Variants in NFIB observed in about 807,000 individuals in gnomAD.
NFIB encodes nuclear factor 1 B-type.
In NFIB, 11 loss-of-function variants were observed where a neutral mutation model predicts 61.5. That is an observed-to-expected ratio of 0.18 (90% CI 0.11 to 0.30). The LOEUF (loss-of-function observed/expected upper bound fraction) is 0.30. Ranked by LOEUF, NFIB falls within the 10% of genes least tolerant of loss-of-function variation. The probability of loss-of-function intolerance (pLI) is 1.00; values close to 1 mark genes in which losing one functional copy is unlikely to be tolerated. For synonymous variants in NFIB, 260 were observed against 216.5 expected (o/e 1.20, Z -1.76); for missense variants, 471 against 608.9 (o/e 0.77, Z 2.38).
chr9:14,196,871 C>T (rs1416113115), intron 2 of NFIB, among the ~76,000 whole-genome samples: 1 of 152,154 alleles, frequency 6.6e-6, no homozygotes, highest in African/African-American at 2.4e-5. Context: ...GTTGTCAAAT[C>T]GTATGGAATT....
chr9:14,430,985 T>C, the NFIB span, among the ~76,000 whole-genome samples: 11,257 of 152,276 alleles, frequency 0.074, 457 homozygotes, highest in Middle Eastern at 0.11. Context: ...GTATAAAATA[T>C]AGACAATATG....
the NFIB span, among the ~76,000 whole-genome samples, chr9:14,467,399 G>T: frequency 6.6e-6 from 1 of 151,930 alleles, no homozygotes; most frequent in Non-Finnish European, 1.5e-5. Context: ...ATTTGGGGAC[G>T]CATGAGTGGG....
At chr9:14,317,522 G>C (rs2060569521), upstream of NFIB, among the ~76,000 whole-genome samples, 1 of 152,240 alleles carries the variant, frequency 6.6e-6, no homozygotes, top group African/African-American at 2.4e-5. Context: ...AGGAAAATGA[G>C]ATAGGAGTAT....
At chr9:14,478,926 T>A in the NFIB span, among the ~76,000 whole-genome samples, 2 of 152,218 alleles carry the variant, frequency 1.3e-5, no homozygotes, top group African/African-American at 4.8e-5. Flanking sequence ...TTCATTCCCA[T>A]CACCAGGGTG....
At chr9:14,214,748 T>G (rs1390681857) in intron 2 of NFIB, among the ~76,000 whole-genome samples, 1 of 152,252 alleles carries the variant, frequency 6.6e-6, no homozygotes, top group African/African-American at 2.4e-5. Context: ...TTCTTGGTCC[T>G]GACTCTCTTT....
chr9:14,126,840 T>G (rs2039718491), intron 6 of NFIB, among the ~76,000 whole-genome samples: 1 of 152,204 alleles, frequency 6.6e-6, no homozygotes, highest in South Asian at 2.1e-4. Context: ...AGAAGACAGA[T>G]TCATCAATAC....
chr9:14,470,618 A>T, the NFIB span, among the ~76,000 whole-genome samples: 19,952 of 151,950 alleles, frequency 0.13, 1,498 homozygotes, highest in East Asian at 0.3. Flanking sequence ...GGATAGGGGG[A>T]TTTCCTCTAG....
intron 1 of NFIB, among the ~76,000 whole-genome samples, chr9:14,325,800 CTTT>C (rs1321289044): frequency 2.0e-5 from 3 of 151,838 alleles, no homozygotes; most frequent in African/African-American, 7.3e-5. Flanking sequence ...CATATACCAT[CTTT>C]TAAAACAATT....
intron 2 of NFIB, among the ~76,000 whole-genome samples, chr9:14,233,283 T>C (rs897484138): frequency 9.2e-5 from 14 of 152,152 alleles, no homozygotes; most frequent in African/African-American, 3.1e-4. Context: ...CATGAGAAAC[T>C]GGAAGCTGAA....
At chr9:14,445,702 T>A in the NFIB span, among the ~76,000 whole-genome samples, 1 of 152,212 alleles carries the variant, frequency 6.6e-6, no homozygotes, top group East Asian at 1.9e-4. Flanking sequence ...TCTATTCTTT[T>A]GGAGCATTGC....
intron 2 of NFIB, among the ~76,000 whole-genome samples, chr9:14,279,065 G>A (rs1304017201): frequency 6.6e-6 from 1 of 152,004 alleles, no homozygotes; most frequent in Non-Finnish European, 1.5e-5. Flanking sequence ...TACACACACA[G>A]AGAGAGAGAC....
chr9:14,285,087 AG>A (rs2058623978), intron 2 of NFIB, among the ~76,000 whole-genome samples: 1 of 152,230 alleles, frequency 6.6e-6, no homozygotes, highest in South Asian at 2.1e-4. Flanking sequence ...AACTGAAAGC[AG>A]TAACTCATAA....
intron 2 of NFIB, among the ~76,000 whole-genome samples, chr9:14,189,817 G>A (rs935607899): frequency 6.7e-5 from 10 of 150,232 alleles, no homozygotes; most frequent in African/African-American, 2.5e-4. Context: ...CTGTTTTACA[G>A]AGAACAAGAT....
At chr9:14,310,896 T>C (rs2060248343) in intron 1 of NFIB, among the ~76,000 whole-genome samples, 2 of 152,128 alleles carry the variant, frequency 1.3e-5, no homozygotes, top group South Asian at 2.1e-4. Flanking sequence ...TAGACCAACA[T>C]AGAGGTAGAA....
At chr9:14,491,867 A>G in the NFIB span, among the ~76,000 whole-genome samples, 8 of 152,174 alleles carry the variant, frequency 5.3e-5, no homozygotes, top group South Asian at 1.7e-3. Flanking sequence ...ATGAAGGGAT[A>G]AATATAATCT....
chr9:14,204,983 G>A (rs2131663595), intron 2 of NFIB: 1 of 305,278 alleles, frequency 3.3e-6, no homozygotes, highest in Non-Finnish European at 6.3e-6. Flanking sequence ...TCCCAAGCCT[G>A]TGGCTTACAT....
the NFIB span, among the ~76,000 whole-genome samples, chr9:14,487,980 T>C: frequency 2.0e-5 from 3 of 152,116 alleles, no homozygotes; most frequent in African/African-American, 7.2e-5. Context: ...CTAAAGAACA[T>C]GACACAGGCC....
the NFIB span, among the ~76,000 whole-genome samples, chr9:14,499,506 A>G: frequency 1.3e-5 from 2 of 152,210 alleles, no homozygotes; most frequent in East Asian, 1.9e-4. Context: ...CTCTCAATGA[A>G]TACTGACTGG....
chr9:14,377,878 G>A (rs974996845), intron 1 of NFIB, among the ~76,000 whole-genome samples: 2 of 152,254 alleles, frequency 1.3e-5, no homozygotes, highest in South Asian at 4.1e-4. Flanking sequence ...ATTTCCCTAA[G>A]ACAATCCCCA....
Sources: gnomAD v4.1 joint callset for allele counts (sites outside exome capture counted in the v4.1 genomes callset) on GRCh38, gnomAD v4.1.1 for gene constraint, MANE v1.5 for transcripts, NCBI Gene and HGNC (gene_info 2026-07-23, HGNC 2026-07-21) for gene names.